CMC1: variants seen among roughly 807,000 people sequenced by gnomAD.
CMC1 encodes COX assembly mitochondrial protein homolog.
Under a neutral mutation model 14.1 loss-of-function variants are expected in CMC1, and 14 were observed. The observed-to-expected ratio is 0.99, with a 90% confidence interval of 0.66 to 1.55. The LOEUF is 1.55. Ranked by LOEUF, CMC1 falls within the 40% of genes most tolerant of loss-of-function variation. The pLI, the probability that CMC1 is intolerant of heterozygous loss-of-function variation, is 0.00. For missense variants in CMC1, 127 were observed against 123.8 expected, an observed-to-expected ratio of 1.03 and a Z score of -0.12; for synonymous variants, 50 against 38.4, an observed-to-expected ratio of 1.30 and a Z score of -1.12.
intron 2 of CMC1, among the ~76,000 whole-genome samples, chr3:28,298,676 T>G (rs1330372161): frequency 3.9e-5 from 6 of 151,942 alleles, no homozygotes; most frequent in African/African-American, 1.2e-4. Context: ...AACAAATAAT[T>G]TACTCTTCTT....
At chr3:28,278,058 G>A (rs748857221) in intron 2 of CMC1, among the ~76,000 whole-genome samples, 5 of 152,072 alleles carry the variant, frequency 3.3e-5, no homozygotes, top group African/African-American at 4.8e-5. Flanking sequence ...TTGTGTGATT[G>A]ATGTGATTGT....
chr3:28,249,657 C>T (rs1699020916), intron 1 of CMC1, among the ~76,000 whole-genome samples: 1 of 152,186 alleles, frequency 6.6e-6, no homozygotes, highest in Non-Finnish European at 1.5e-5. Context: ...GAATTTTGTA[C>T]AGCCCTCTCA....
At chr3:28,260,856 A>T (rs1279053388) in intron 1 of CMC1, among the ~76,000 whole-genome samples, 1 of 152,114 alleles carries the variant, frequency 6.6e-6, no homozygotes, top group African/African-American at 2.4e-5. Flanking sequence ...TCCATGGGTT[A>T]TTTAAAAGTG....
chr3:28,316,104 T>C (rs1702896099), intron 2 of CMC1: 1 of 328,134 alleles, frequency 3.0e-6, no homozygotes, highest in Admixed American at 4.6e-5. Flanking sequence ...ATCACTCATC[T>C]TATTCTGCCT....
At chr3:28,250,592 A>G (rs1041015071) in intron 1 of CMC1, among the ~76,000 whole-genome samples, 1 of 152,122 alleles carries the variant, frequency 6.6e-6, no homozygotes. Context: ...TCTGTGTACT[A>G]TATAACTATA....
chr3:28,264,531 G>A (rs13074515), intron 2 of CMC1, among the ~76,000 whole-genome samples: 33,436 of 151,984 alleles, frequency 0.22, 3,857 homozygotes, highest in Admixed American at 0.28. Flanking sequence ...TTTTACTCTT[G>A]ATTCTTGTGA....
At position 28,263,346 on chromosome 3, in the gene CMC1, A is replaced by G; in HGVS notation, c.75A>G (p.Glu25=). The change falls in exon 2 of 4, where the codon GAA becomes GAG. Residue 25 remains glutamate (E), a synonymous_variant. Transcript: ENST00000466830. Reference sequence around the variant, plus strand: ...TTTTGATCCCTAAAATAATGAGAGAAAAGGCCAAAGAGAGGTGTTCTGAAC... The same window carrying G: ...TTTTGATCCCTAAAATAATGAGAGAGAAGGCCAAAGAGAGGTGTTCTGAAC... ...KDVLIPKIMR[E]KAKERCSEQV... is the part of the protein sequence containing the mutation. The G allele has an allele frequency of 6.2e-7, 1 of 1,609,314 alleles. No homozygotes were observed. The highest frequency in any genetic ancestry group is 1.3e-5 in the African/African-American group (1 of 74,822).
rs569097183 is a variant in CMC1 at position 28,321,241 on chromosome 3, G to A, written c.*1612G>A. 2.1e-4 allele frequency: 32 copies of A among 151,460 alleles called. No homozygotes were observed. The highest frequency in any genetic ancestry group is 6.8e-4 in the African/African-American group (28 of 41,452). The allele number at this position is 151,460 out of a possible 1,614,324, so 9.4% of individuals were successfully genotyped here. A position where few individuals can be genotyped will look rare whatever the true frequency, so the allele number is the denominator to read the frequency against. ...ATTTCCACATTGACCTTTGGTATTG[G>A]TGCATTTCCTAGAGCACAGGAAGTT... On this transcript the variant is annotated 3_prime_UTR_variant, in exon 4 of 4. Transcript: ENST00000466830.
chr3:28,260,328 G>A (rs1699669624), intron 1 of CMC1, among the ~76,000 whole-genome samples: 3 of 151,912 alleles, frequency 2.0e-5, no homozygotes, highest in African/African-American at 7.2e-5. Flanking sequence ...TTAGTATCAA[G>A]GTATCTGTGC....
At chr3:28,286,808 C>T (rs1479842020) in intron 2 of CMC1, among the ~76,000 whole-genome samples, 1 of 152,046 alleles carries the variant, frequency 6.6e-6, no homozygotes, top group Non-Finnish European at 1.5e-5. Context: ...AATTTTAACA[C>T]AGCACATGTA....
chr3:28,253,756 T>A, intron 1 of CMC1: 1 of 1,285,162 alleles, frequency 7.8e-7, no homozygotes, highest in Non-Finnish European at 1.0e-6. Context: ...CAAACTGTCT[T>A]CAGGAGCAAG....
chr3:28,296,622 T>G (rs1425073747), intron 2 of CMC1, among the ~76,000 whole-genome samples: 3 of 152,096 alleles, frequency 2.0e-5, no homozygotes, highest in African/African-American at 7.2e-5. Context: ...ATGAGCTGTG[T>G]CTTATTATTT....
chr3:28,285,255 C>T (rs1465295951), intron 2 of CMC1, among the ~76,000 whole-genome samples: 1 of 152,086 alleles, frequency 6.6e-6, no homozygotes, highest in Non-Finnish European at 1.5e-5. Flanking sequence ...GTACTGGTGA[C>T]CTTCTCTGCT....
rs139902792 is a variant in CMC1, at chr3:28,306,976, C to A, written c.110-9357C>A. On this transcript the variant is annotated intron_variant, in intron 2 of 3. Transcript: ENST00000466830. ...GAAATATTTTTAAAAACACCAATGA[C>A]TCATAATTTTGTTGAAGTTAAGATG... is the stretch of plus-strand genomic sequence containing the variant. Among the ~76,000 whole-genome samples the A allele has an allele frequency of 1.5e-3, 227 of 152,244 alleles. 2 individuals are homozygous for A. The East Asian group carries it at 0.033, about 22-fold the overall frequency.
At chr3:28,293,882 A>T (rs1479716695) in intron 2 of CMC1, among the ~76,000 whole-genome samples, 3 of 152,150 alleles carry the variant, frequency 2.0e-5, no homozygotes, top group African/African-American at 7.2e-5. Flanking sequence ...ATGCCTGGCT[A>T]AAAGTATTCT....
intron 1 of CMC1, among the ~76,000 whole-genome samples, chr3:28,259,353 C>G (rs1210462474): frequency 6.6e-6 from 1 of 151,776 alleles, no homozygotes; most frequent in Non-Finnish European, 1.5e-5. Context: ...ATGTTACACC[C>G]GCAGTGCATA....
At chr3:28,288,129 ATCT>A (rs1701287151) in intron 2 of CMC1, among the ~76,000 whole-genome samples, 1 of 152,062 alleles carries the variant, frequency 6.6e-6, no homozygotes, top group Admixed American at 6.5e-5. Flanking sequence ...TGATATATGA[ATCT>A]TCTTCAACGT....
intron 2 of CMC1, among the ~76,000 whole-genome samples, chr3:28,301,640 T>TTA (rs1553620335): frequency 1.5e-4 from 22 of 150,984 alleles, no homozygotes; most frequent in African/African-American, 5.4e-4. Flanking sequence ...TTTTTTTTTT[T>TTA]AAAAAAATAG....
intron 1 of CMC1, among the ~76,000 whole-genome samples, chr3:28,254,593 T>G (rs1699299299): frequency 6.6e-6 from 1 of 152,200 alleles, no homozygotes; most frequent in African/African-American, 2.4e-5. Context: ...ATTTCTGTTA[T>G]AATTTATTTT....
Sources: allele counts gnomAD v4.1 joint callset (sites outside exome capture counted in the v4.1 genomes callset), GRCh38; gene constraint gnomAD v4.1.1; transcripts MANE v1.5; gene names NCBI Gene and HGNC (gene_info 2026-07-23, HGNC 2026-07-21).